Variants in TMEM132D observed in about 807,000 individuals in gnomAD.
The protein encoded by TMEM132D is transmembrane protein 132D, also known as mature OL transmembrane protein.
A neutral mutation model predicts 62.3 loss-of-function variants in TMEM132D; 21 were observed. That is an observed-to-expected ratio of 0.34 (90% CI 0.24 to 0.49). The LOEUF (loss-of-function observed/expected upper bound fraction) is 0.49. Ranked by LOEUF, TMEM132D falls within the 20% of genes least tolerant of loss-of-function variation. The pLI is 0.99. For synonymous variants in TMEM132D, 621 were observed against 575.6 expected (o/e 1.08, Z -1.13); for missense variants, 1,346 against 1,402.8 (o/e 0.96, Z 0.65).
intron 3 of TMEM132D, 70 bp downstream of exon 3, chr12:129,530,989 G>GAAAA (rs1876200426): frequency 1.4e-6 from 1 of 722,510 alleles, no homozygotes; most frequent in Non-Finnish European, 1.9e-6. Flanking sequence ...TAGCAATCTA[G>GAAAA]GAAAAAAAAA....
chr12:129,264,127 G>C (rs1034646030), intron 4 of TMEM132D, among the ~76,000 whole-genome samples: 1 of 152,220 alleles, frequency 6.6e-6, no homozygotes, highest in Non-Finnish European at 1.5e-5. Flanking sequence ...GATGGCTCAT[G>C]CCTCTAATCC....
chr12:129,231,249 G>A (rs997277655), intron 4 of TMEM132D, among the ~76,000 whole-genome samples: 1 of 152,188 alleles, frequency 6.6e-6, no homozygotes, highest in Admixed American at 6.5e-5. Context: ...GGCTCTTAGG[G>A]CACTCCTTGA....
intron 3 of TMEM132D, among the ~76,000 whole-genome samples, chr12:129,394,865 T>A (rs954629764): frequency 2.6e-5 from 4 of 152,228 alleles, no homozygotes; most frequent in Admixed American, 2.0e-4. Context: ...CACGGGAATC[T>A]TTTGGGGGTG....
chr12:129,100,377 C>T (rs1875261220), intron 5 of TMEM132D, among the ~76,000 whole-genome samples: 1 of 152,150 alleles, frequency 6.6e-6, no homozygotes, highest in Admixed American at 6.6e-5. Context: ...CAAGGTGACC[C>T]CAGCAAGTTG....
intron 2 of TMEM132D, among the ~76,000 whole-genome samples, chr12:129,533,760 T>C (rs1041659916): frequency 6.6e-6 from 1 of 152,218 alleles, no homozygotes; most frequent in Non-Finnish European, 1.5e-5. Flanking sequence ...TCTGCAAAAA[T>C]GTTTTTTCCT....
chr12:129,503,996 TTGTCATCATTAC>T (rs1246105612), intron 3 of TMEM132D, among the ~76,000 whole-genome samples: 2 of 136,846 alleles, frequency 1.5e-5, no homozygotes, highest in African/African-American at 2.8e-5. Context: ...ATCATCATTA[TTGTCATCATTAC>T]TGTCATCATC....
chr12:129,668,977 T>C (rs976562352), intron 2 of TMEM132D, among the ~76,000 whole-genome samples: 1 of 152,158 alleles, frequency 6.6e-6, no homozygotes, highest in African/African-American at 2.4e-5. Context: ...TCTAACAGGC[T>C]CAGAAACCCC....
At chr12:129,394,687 A>G (rs566546576) in intron 3 of TMEM132D, among the ~76,000 whole-genome samples, 7 of 152,382 alleles carry the variant, frequency 4.6e-5, no homozygotes, top group South Asian at 2.1e-4. Context: ...TACAATGCCC[A>G]CAAATGAAAT....
intron 1 of TMEM132D, among the ~76,000 whole-genome samples, chr12:129,854,060 T>C (rs185940977): frequency 6.6e-6 from 1 of 152,218 alleles, no homozygotes; most frequent in African/African-American, 2.4e-5. Flanking sequence ...GAGGCGGGGA[T>C]ACTACTAATG....
chr12:129,836,572 A>G (rs901592841), intron 1 of TMEM132D, among the ~76,000 whole-genome samples: 1 of 152,134 alleles, frequency 6.6e-6, no homozygotes, highest in African/African-American at 2.4e-5. Context: ...ACCCAAGTAT[A>G]TGCTACATTT....
At chr12:129,472,376 T>C (rs763957594) in intron 3 of TMEM132D, among the ~76,000 whole-genome samples, 3 of 151,752 alleles carry the variant, frequency 2.0e-5, no homozygotes, top group Non-Finnish European at 4.4e-5. Context: ...TAAGTGGGAG[T>C]TGAGCAATGA....
At chr12:129,083,690 TAC>T (rs1349498174) in intron 6 of TMEM132D, among the ~76,000 whole-genome samples, 1 of 152,192 alleles carries the variant, frequency 6.6e-6, no homozygotes, top group Non-Finnish European at 1.5e-5. Flanking sequence ...CCCTGCTGAG[TAC>T]ACAGATTCCA....
intron 5 of TMEM132D, among the ~76,000 whole-genome samples, chr12:129,136,775 C>CATCATCACT (rs1252518894): frequency 1.8e-5 from 2 of 109,034 alleles, no homozygotes; most frequent in African/African-American, 7.3e-5. Flanking sequence ...CCATCATCAC[C>CATCATCACT]ATCACCATCA....
At chr12:129,478,715 C>T (rs1003930300) in intron 3 of TMEM132D, among the ~76,000 whole-genome samples, 5 of 152,128 alleles carry the variant, frequency 3.3e-5, no homozygotes, top group Non-Finnish European at 7.3e-5. Flanking sequence ...CTTTTCCGCT[C>T]TTTAGATCAG....
At chr12:129,488,420 C>T (rs1874655772) in intron 3 of TMEM132D, among the ~76,000 whole-genome samples, 1 of 152,128 alleles carries the variant, frequency 6.6e-6, no homozygotes, top group Non-Finnish European at 1.5e-5. Flanking sequence ...GGCCTGTAAC[C>T]CTAGCACTTT....
At chr12:129,899,501 G>A (rs931020138) in intron 1 of TMEM132D, among the ~76,000 whole-genome samples, 1 of 152,234 alleles carries the variant, frequency 6.6e-6, no homozygotes, top group Non-Finnish European at 1.5e-5. Context: ...TGGATGGATG[G>A]ACGGATGAAT....
intron 2 of TMEM132D, among the ~76,000 whole-genome samples, chr12:129,681,193 AT>A (rs1880769816): frequency 2.0e-5 from 3 of 152,210 alleles, no homozygotes; most frequent in Admixed American, 6.5e-5. Flanking sequence ...AGTGGGGCTG[AT>A]TAGTGACACT....
chr12:129,594,314 T>C (rs1878276404), intron 2 of TMEM132D, among the ~76,000 whole-genome samples: 1 of 152,206 alleles, frequency 6.6e-6, no homozygotes, highest in Admixed American at 6.5e-5. Context: ...AGAGATTTTC[T>C]TGACAGTCAT....
intron 3 of TMEM132D, among the ~76,000 whole-genome samples, chr12:129,490,473 G>A (rs1318312615): frequency 1.0e-4 from 12 of 119,890 alleles, no homozygotes; most frequent in African/African-American, 3.5e-4. Flanking sequence ...CTGTCTCCCA[G>A]CCTGGAGTGC....
Sources: allele counts gnomAD v4.1 joint callset (sites outside exome capture counted in the v4.1 genomes callset), GRCh38; gene constraint gnomAD v4.1.1; transcripts MANE v1.5; gene names NCBI Gene and HGNC (gene_info 2026-07-23, HGNC 2026-07-21).